Variants in ZFR observed in about 807,000 individuals in gnomAD.
ZFR encodes the protein zinc finger RNA-binding protein.
In ZFR, 19 loss-of-function variants were observed where a neutral mutation model predicts 130.7. The ratio of observed to expected loss-of-function variants is 0.15; its 90% CI spans 0.10 to 0.21. The LOEUF is 0.21. Among genes scored for constraint, ZFR ranks in the 10% least tolerant of loss-of-function variants. The pLI, the probability that ZFR is intolerant of heterozygous loss-of-function variation, is 1.00. For synonymous variants in ZFR, 466 were observed against 456.9 expected, an observed-to-expected ratio of 1.02 and a Z score of -0.25; for missense variants, 872 against 1,321.5, an observed-to-expected ratio of 0.66 and a Z score of 5.27.
intron 2 of ZFR, among the ~76,000 whole-genome samples, chr5:32,442,474 CTTTT>C (rs756402962): frequency 6.6e-5 from 10 of 152,132 alleles, no homozygotes; most frequent in African/African-American, 1.7e-4. Flanking sequence ...GTAGCTGAAA[CTTTT>C]TTTGTCTAAT....
chr5:32,368,232 TCAAAACTTTTTTCCCCCCC>T (rs917180205), intron 17 of ZFR, among the ~76,000 whole-genome samples: 1 of 23,642 alleles, frequency 4.2e-5, no homozygotes, highest in Non-Finnish European at 7.4e-5. Context: ...GCAAACTGCA[TCAAAACTTTTTTCCCCCCC>T]CAACAAGAGA....
intron 2 of ZFR, among the ~76,000 whole-genome samples, chr5:32,423,138 G>T (rs1404499617): frequency 1.3e-5 from 2 of 152,026 alleles, no homozygotes; most frequent in South Asian, 2.1e-4. Context: ...TTTGAGACCA[G>T]ACTTGGCAAC....
intron 19 of ZFR, among the ~76,000 whole-genome samples, chr5:32,357,761 A>C (rs939716436): frequency 6.6e-6 from 1 of 152,234 alleles, no homozygotes; most frequent in African/African-American, 2.4e-5. Flanking sequence ...TGGCTCCTTA[A>C]GTCAGCTGGC....
Position 32,383,291 on chromosome 5 carries a change from G to A in ZFR, c.2641+2217C>T, listed in dbSNP as rs559832929. On this transcript the variant is annotated intron_variant, in intron 15 of 19. Transcript: ENST00000265069. The stretch of plus-strand genomic sequence containing the variant: ...GAAAACCTTGGTCAAAAATCCTTCC[G>A]ATGTCTTGGCAGCAACCCCTGACAG... 1.5e-3 allele frequency among the ~76,000 whole-genome samples: 230 copies of A among 152,260 alleles called. 1 individual carries two copies. The highest frequency in any genetic ancestry group is 0.014 in the Middle Eastern group (4 of 294).
At chr5:32,393,971 A>AT (rs1185509159) in intron 11 of ZFR, among the ~76,000 whole-genome samples, 1 of 152,220 alleles carries the variant, frequency 6.6e-6, no homozygotes, top group Non-Finnish European at 1.5e-5. Context: ...TATCTAAACA[A>AT]TAACAACAAG....
intron 2 of ZFR, among the ~76,000 whole-genome samples, chr5:32,439,012 A>T (rs1016164548): frequency 1.3e-5 from 2 of 152,228 alleles, no homozygotes; most frequent in Admixed American, 6.5e-5. Flanking sequence ...ATAGTGTACT[A>T]TAAGGCAGTT....
At chr5:32,440,302 G>T (rs1183676119) in intron 2 of ZFR, among the ~76,000 whole-genome samples, 1 of 152,136 alleles carries the variant, frequency 6.6e-6, no homozygotes, top group African/African-American at 2.4e-5. Flanking sequence ...ACGTACACAT[G>T]TAAACACATA....
chr5:32,403,972 G>A lies in ZFR; in HGVS notation c.1158C>T (p.Leu386=). ...RGTQNQLRCE[L]CDVSCTGADA... ...CTGCTCCTGTACAAGACACATCGCA[G>A]AGCTCACAACGTAGCTGATTTTGAG... Residue 386 remains leucine, a synonymous_variant, in exon 7 of 20, where the codon CTC becomes CTT. Transcript: ENST00000265069. The A allele has an allele frequency of 3.7e-6, 6 of 1,613,988 alleles. No individual in the cohort carries two copies. The highest frequency in any genetic ancestry group is 5.1e-6 in the Non-Finnish European group (6 of 1,179,952).
At chr5:32,426,007 T>C (rs576090776) in intron 2 of ZFR, among the ~76,000 whole-genome samples, 1 of 152,242 alleles carries the variant, frequency 6.6e-6, no homozygotes, top group African/African-American at 2.4e-5. Context: ...TCTCTATTTA[T>C]TATCCCTTTA....
At chr5:32,404,672 G>A (rs1322833872) in intron 6 of ZFR, among the ~76,000 whole-genome samples, 1 of 152,170 alleles carries the variant, frequency 6.6e-6, no homozygotes, top group Non-Finnish European at 1.5e-5. Flanking sequence ...AGCAAAAATA[G>A]TATTATAGTT....
Position 32,414,245 on chromosome 5 carries a change from T to G in ZFR, c.784+724A>C, listed in dbSNP as rs756800025. On this transcript the variant is annotated intron_variant, in intron 5 of 19. Transcript: ENST00000265069. Reference sequence around the variant, plus strand: ...TCATTGTATCCCTAGCACCCTAGAGTAAGAGATAAGAAATCTCTGAGAAAT... The same window carrying G: ...TCATTGTATCCCTAGCACCCTAGAGGAAGAGATAAGAAATCTCTGAGAAAT... 2.2e-4 allele frequency among the ~76,000 whole-genome samples: 33 copies of G among 152,084 alleles called. 1 individual carries two copies. Among genetic ancestry groups the G allele is most frequent in the Non-Finnish European group, 7.4e-5 (5 of 68,026 alleles).
chr5:32,382,947 A>G (rs2111716675), intron 15 of ZFR, among the ~76,000 whole-genome samples: 2 of 152,308 alleles, frequency 1.3e-5, no homozygotes, highest in East Asian at 3.9e-4. Flanking sequence ...AAATCAGTTA[A>G]TTTATAAAAA....
At chr5:32,406,603 G>GT (rs895145694) in intron 6 of ZFR, 171 bp downstream of exon 6, 3,508 of 874,738 alleles carry the variant, frequency 4.0e-3, no homozygotes, top group South Asian at 4.4e-3. Context: ...CATCTTTACA[G>GT]TTTTTTTTTC....
chr5:32,422,564 A>C (rs1264981230), intron 2 of ZFR, among the ~76,000 whole-genome samples: 2 of 152,108 alleles, frequency 1.3e-5, no homozygotes, highest in African/African-American at 4.8e-5. Flanking sequence ...TGGGAGGCCA[A>C]GGCAGCAGGA....
At chr5:32,385,765 AT>A in intron 14 of ZFR, 116 bp from the exon 15 acceptor site, 2 of 1,038,674 alleles carry the variant, frequency 1.9e-6, no homozygotes, top group Non-Finnish European at 1.4e-6. Context: ...TGAGGACCAG[AT>A]TATATACTGC....
intron 5 of ZFR, among the ~76,000 whole-genome samples, chr5:32,412,994 A>G (rs559372475): frequency 6.6e-6 from 1 of 152,162 alleles, no homozygotes; most frequent in Non-Finnish European, 1.5e-5. Flanking sequence ...GTTCGAGACC[A>G]GCCTGCCAAC....
rs1753026476 is a variant in ZFR, at chr5:32,385,581, A to G, written c.2568T>C (p.Cys856=). ...VSEAAIILNS[C]VEPKMQVTIT... ...TAGTGACTTGCATTTTGGGTTCCAC[A>G]CATGAATTCAAAATTATTGCCGCTT... Residue 856 remains cysteine (C), a synonymous_variant, in exon 15 of 20, where the codon TGT becomes TGC. Coordinates refer to ENST00000265069, the MANE Select transcript of ZFR (RefSeq NM_016107.5). 1 of 1,613,576 alleles carries G rather than the reference A, an allele frequency of 6.2e-7. No homozygotes were observed. The highest frequency in any genetic ancestry group is 1.7e-5 in the Admixed American group (1 of 60,010).
chr5:32,395,667 T>A (rs1430598964), intron 10 of ZFR, among the ~76,000 whole-genome samples: 1 of 152,032 alleles, frequency 6.6e-6, no homozygotes, highest in Non-Finnish European at 1.5e-5. Context: ...CCTGAGAGAG[T>A]AAGACCAACC....
intron 11 of ZFR, among the ~76,000 whole-genome samples, chr5:32,390,687 T>C (rs1458966459): frequency 2.0e-5 from 3 of 152,200 alleles, no homozygotes; most frequent in Non-Finnish European, 4.4e-5. Flanking sequence ...CCTCAGTTTC[T>C]TACCTCTCTC....
Sources: gnomAD v4.1 joint callset for allele counts (sites outside exome capture counted in the v4.1 genomes callset) on GRCh38, gnomAD v4.1.1 for gene constraint, MANE v1.5 for transcripts, NCBI Gene and HGNC (gene_info 2026-07-23, HGNC 2026-07-21) for gene names.